The following RBM6 variants were observed in gnomAD, a reference collection of about 807,000 sequenced individuals.
RBM6 encodes the protein RNA-binding protein 6.
Under a neutral mutation model 140.4 loss-of-function variants are expected in RBM6, and 23 were observed. The ratio of observed to expected loss-of-function variants is 0.16; its 90% CI spans 0.12 to 0.23. The LOEUF (loss-of-function observed/expected upper bound fraction) is 0.23, where lower values mean the gene tolerates loss of function less well. Ranked by LOEUF, RBM6 falls within the 10% of genes least tolerant of loss-of-function variation. The pLI is 1.00. For missense variants in RBM6, 1,139 were observed against 1,386.7 expected, an observed-to-expected ratio of 0.82 and a Z score of 2.84; for synonymous variants, 439 against 475.6, an observed-to-expected ratio of 0.92 and a Z score of 1.00.
intron 5 of RBM6, among the ~76,000 whole-genome samples, chr3:49,994,528 A>G (rs867580845): frequency 1.3e-5 from 2 of 151,348 alleles, no homozygotes; most frequent in African/African-American, 2.5e-5. Flanking sequence ...AACCTGTATT[A>G]TCAATGAAAT....
intron 6 of RBM6, among the ~76,000 whole-genome samples, chr3:50,033,665 G>A (rs557721776): frequency 5.2e-4 from 79 of 151,350 alleles, no homozygotes; most frequent in Non-Finnish European, 7.2e-4. Flanking sequence ...TTCTTTTTTT[G>A]AGATGGAGTC....
At chr3:50,024,739 G>C (rs964544750) in intron 6 of RBM6, among the ~76,000 whole-genome samples, 13 of 151,952 alleles carry the variant, frequency 8.6e-5, no homozygotes, top group African/African-American at 2.4e-5. Context: ...AGATTACGAG[G>C]TCAGGAGATC....
intron 6 of RBM6, among the ~76,000 whole-genome samples, chr3:50,005,357 G>A (rs1433522900): frequency 6.6e-6 from 1 of 152,074 alleles, no homozygotes; most frequent in Non-Finnish European, 1.5e-5. Context: ...AATTAGCTGG[G>A]TGTAGTGGCA....
In RBM6 at chr3:49,975,347, G is replaced by A. The variant is rs756782199; in HGVS notation, c.1438G>A (p.Asp480Asn). The part of the protein sequence containing the change: ...EEILNAFRTP[D>N]GMPVKNLQLK... ...GATTCTTAATGCTTTTCGGACTCCT[G>A]ATGGCATGCCTGTAAAGAACTTGCA... The change falls in exon 5 of 21, where the codon GAT becomes AAT. Residue 480 changes from aspartate to asparagine, a missense_variant. By Grantham distance (23) the Asp-to-Asn change is conservative. Transcript: ENST00000266022. 7 of 1,613,660 alleles carry A rather than the reference G, an allele frequency of 4.3e-6. No individual in the cohort carries two copies. Among genetic ancestry groups the A allele is most frequent in the Middle Eastern group, 1.6e-4 (1 of 6,084 alleles).
At chr3:49,963,890 A>G (rs2084393711) in intron 2 of RBM6, among the ~76,000 whole-genome samples, 1 of 151,960 alleles carries the variant, frequency 6.6e-6, no homozygotes, top group Non-Finnish European at 1.5e-5. Flanking sequence ...TCTATTAACT[A>G]GTACATTTTC....
intron 20 of RBM6, 22 bp downstream of exon 20, chr3:50,075,352 G>T: frequency 1.2e-6 from 2 of 1,602,510 alleles, no homozygotes; most frequent in Non-Finnish European, 1.7e-6. Context: ...TCCATCTTTT[G>T]GGGGGTGACA....
intron 6 of RBM6, among the ~76,000 whole-genome samples, chr3:50,036,971 A>G (rs1316561787): frequency 1.3e-5 from 2 of 151,968 alleles, no homozygotes; most frequent in African/African-American, 4.8e-5. Flanking sequence ...TTTTTAGTAG[A>G]GACGGGGCTT....
At chr3:50,040,493 T>TATATATATACACACAC (rs749096137) in intron 6 of RBM6, among the ~76,000 whole-genome samples, 1 of 85,878 alleles carries the variant, frequency 1.2e-5, no homozygotes, top group African/African-American at 4.6e-5. Flanking sequence ...TATATATATA[T>TATATATATACACACAC]ACACACACAC....
chr3:50,045,625 G>T (rs1296596865), intron 6 of RBM6, among the ~76,000 whole-genome samples: 2 of 152,150 alleles, frequency 1.3e-5, no homozygotes, highest in African/African-American at 4.8e-5. Context: ...TAGTCTTTCA[G>T]GAGATTAAAA....
chr3:49,942,197 G>A (rs1289536173), intron 1 of RBM6, among the ~76,000 whole-genome samples: 1 of 151,750 alleles, frequency 6.6e-6, no homozygotes, highest in African/African-American at 2.4e-5. Flanking sequence ...CCATTGTTAA[G>A]TATACAATTC....
intron 5 of RBM6, among the ~76,000 whole-genome samples, chr3:49,980,952 G>GAGTGCAGTGGCGCGATATCGGCTC (rs1454727424): frequency 1.3e-5 from 2 of 151,380 alleles, no homozygotes; most frequent in Non-Finnish European, 2.9e-5. Flanking sequence ...ACCAGTGCTG[G>GAGTGCAGTGGCGCGATATCGGCTC]AGTGCAGTGG....
chr3:49,968,636 T>C lies in RBM6; in HGVS notation c.1211T>C (p.Met404Thr). Residue 404 changes from methionine (M) to threonine (T), a missense_variant, in exon 3 of 21, where the codon ATG becomes ACG. Transcript: ENST00000266022. ...LGRQDTDYRSMEYRDVDHRLP... is the reference protein window; with the variant it reads ...LGRQDTDYRSTEYRDVDHRLP... Reference sequence around the variant, plus strand: ...CGGCAAGACACCGATTACAGAAGCATGGAGTACCGTGATGTGGATCATAGG... The same window carrying C: ...CGGCAAGACACCGATTACAGAAGCACGGAGTACCGTGATGTGGATCATAGG... 2 of 1,614,148 alleles carry C rather than the reference T, an allele frequency of 1.2e-6. No individual in the cohort carries two copies. Among genetic ancestry groups the C allele is most frequent in the Non-Finnish European group, 1.7e-6 (2 of 1,180,040 alleles).
At chr3:49,997,112 A>G (rs2086119568) in intron 5 of RBM6, among the ~76,000 whole-genome samples, 1 of 152,186 alleles carries the variant, frequency 6.6e-6, no homozygotes, top group South Asian at 2.1e-4. Flanking sequence ...CTAGTTTGCT[A>G]ATTGCTGAAA....
At chr3:50,068,069 G>A (rs939175154) in intron 17 of RBM6, among the ~76,000 whole-genome samples, 8 of 152,184 alleles carry the variant, frequency 5.3e-5, no homozygotes, top group Non-Finnish European at 1.0e-4. Context: ...AAAAGTAATC[G>A]TCAGGAAAGA....
rs576411398 is a variant in RBM6 at position 50,053,591 on chromosome 3, T to G, written c.1633-744T>G. Among the ~76,000 whole-genome samples, 18 of 152,108 alleles carry G rather than the reference T, an allele frequency of 1.2e-4. No homozygotes were observed. The East Asian group carries it at 2.7e-3, about 23-fold the overall frequency. ...CTATTGTTATTGTTTTCTCCTCAAC[T>G]CCATCTGGCAGACCTTTACTCGCCC... On this transcript the variant is annotated intron_variant, in intron 7 of 20. Transcript: ENST00000266022.
rs1323088944 is a variant in RBM6, at chr3:49,967,360, C to T, written c.45-110C>T. ...CTAGGACCTTGTTACAGAACTCTGCCAAAAAAAAAATGTTTACAGAAGAAT... is the reference window on the plus strand; with the variant it reads ...CTAGGACCTTGTTACAGAACTCTGCTAAAAAAAAAATGTTTACAGAAGAAT... On this transcript the variant is annotated intron_variant, in intron 2 of 20. Coordinates refer to ENST00000266022, the MANE Select transcript of RBM6 (RefSeq NM_005777.3). The surrounding 1 kb of genome is among the most constrained non-coding windows in gnomAD (Gnocchi z 4.0). 2.3e-6 allele frequency: 3 copies of T among 1,327,832 alleles called. No homozygotes were observed. Among genetic ancestry groups the T allele is most frequent in the Non-Finnish European group, 9.9e-7 (1 of 1,008,222 alleles). 82.3% of individuals were successfully genotyped at this position (1,327,832 alleles called of 1,614,324 possible).
At chr3:49,943,315 T>A (rs1021431847) in intron 1 of RBM6, among the ~76,000 whole-genome samples, 13 of 151,878 alleles carry the variant, frequency 8.6e-5, no homozygotes, top group East Asian at 3.8e-4. Context: ...TTATTTATTT[T>A]TTTTTGAGAC....
At chr3:50,057,529 A>C (rs751662920) in intron 8 of RBM6, among the ~76,000 whole-genome samples, 199 bp from the exon 9 acceptor site, 1 of 135,448 alleles carries the variant, frequency 7.4e-6, no homozygotes, top group Non-Finnish European at 1.5e-5. Flanking sequence ...CAGAGGTTGC[A>C]GTGAGCCAAG....
intron 5 of RBM6, among the ~76,000 whole-genome samples, chr3:49,976,007 C>T (rs1392912010): frequency 6.6e-6 from 1 of 152,064 alleles, no homozygotes; most frequent in African/African-American, 2.4e-5. Context: ...AATCTTACTA[C>T]AGTAAAAGTA....
Sources: gnomAD v4.1 joint callset for allele counts (sites outside exome capture counted in the v4.1 genomes callset) on GRCh38, gnomAD v4.1.1 for gene constraint, Gnocchi (gnomAD v3.1) non-coding constraint, MANE v1.5 for transcripts, NCBI Gene and HGNC (gene_info 2026-07-23, HGNC 2026-07-21) for gene names.